Variants in ZBTB7A observed in about 807,000 individuals in gnomAD.
ZBTB7A encodes zinc finger and BTB domain-containing protein 7A.
A neutral mutation model predicts 26.7 loss-of-function variants in ZBTB7A; 7 were observed. That is an observed-to-expected ratio of 0.26 (90% confidence interval 0.15 to 0.49). The LOEUF is 0.49. Ranked by LOEUF, ZBTB7A falls within the 20% of genes least tolerant of loss-of-function variation. The probability of loss-of-function intolerance (pLI) is 0.98; values close to 1 mark genes in which losing one functional copy is unlikely to be tolerated. For synonymous variants in ZBTB7A, 452 were observed against 441.0 expected (o/e 1.02, Z -0.31); for missense variants, 617 against 919.5 (o/e 0.67, Z 4.25).
rs557803881 is a variant in ZBTB7A at position 4,058,937 on chromosome 19, T to C, written c.-15-3690A>G. On this transcript the variant is annotated intron_variant, in intron 1 of 2. Transcript: ENST00000322357. ...CCAGCTGCTCAGCACCCCCGTCTAC[T>C]CTAAGGCCTGTGGTGGGGCGGTGGG... Among the ~76,000 whole-genome samples, 251 of 152,236 alleles carry C rather than the reference T, an allele frequency of 1.6e-3. 1 individual carries two copies. Among genetic ancestry groups the C allele is most frequent in the African/African-American group, 5.8e-3 (241 of 41,540 alleles).
chr19:4,052,930 G>A lies in ZBTB7A; in HGVS notation c.1262+1041C>T, dbSNP rs937154082. Among the ~76,000 whole-genome samples, 10 of 152,126 alleles carry A rather than the reference G, an allele frequency of 6.6e-5. No individual in the cohort carries two copies. The highest frequency in any genetic ancestry group is 9.7e-5 in the African/African-American group (4 of 41,408). Reference sequence around the variant, plus strand: ...CTGCTCCTCCCCTCCTTCAGGTTCCGGCAAGGCCTGTCCCCGGCGCCTAGA... The same window carrying A: ...CTGCTCCTCCCCTCCTTCAGGTTCCAGCAAGGCCTGTCCCCGGCGCCTAGA... On this transcript the variant is annotated intron_variant, in intron 2 of 2. Transcript: ENST00000322357. This position sits in a 1 kb window ranked among gnomAD's most constrained non-coding sequence, Gnocchi z 4.9.
intron 1 of ZBTB7A, among the ~76,000 whole-genome samples, chr19:4,061,371 C>T (rs1238642115): frequency 1.3e-5 from 2 of 152,168 alleles, no homozygotes; most frequent in South Asian, 2.1e-4. Context: ...CGGCAGCCCC[C>T]GCCCCCTCCC....
chr19:4,051,893 A>G (rs1442289973), intron 2 of ZBTB7A, among the ~76,000 whole-genome samples: 1 of 151,600 alleles, frequency 6.6e-6, no homozygotes, highest in Non-Finnish European at 1.5e-5. Context: ...TAGTTTCATC[A>G]CCCCGAGCCC....
Position 4,054,143 on chromosome 19 carries a change from C to T in ZBTB7A, c.1090G>A (p.Val364Ile), listed in dbSNP as rs1180387828. The T allele has an allele frequency of 1.2e-6, 2 of 1,604,356 alleles. No homozygotes were observed. The highest frequency in any genetic ancestry group is 1.7e-6 in the Non-Finnish European group (2 of 1,179,760). Residue 364 changes from valine (V) to isoleucine (I), a missense_variant, in exon 2 of 3, where the codon GTC becomes ATC. This residue lies in a region of ZBTB7A where 331 missense variants were observed against 391.3 expected (regional missense o/e 0.85). Transcript: ENST00000322357. ...ACCTTCTGCGACCAGGCCGGGTAGA[C>T]GTCGCCGTCGTGGGCGCCGCTGAAG... ...KYFSGAHDGD[V>I]YPAWSQKVEK...
At chr19:4,050,382 T>C (rs2040489332) in intron 2 of ZBTB7A, among the ~76,000 whole-genome samples, 1 of 152,198 alleles carries the variant, frequency 6.6e-6, no homozygotes, top group Non-Finnish European at 1.5e-5. Context: ...TTTCTGTTGA[T>C]TTCCTTGTTT....
chr19:4,046,955 G>C lies in ZBTB7A; in HGVS notation c.*797C>G, dbSNP rs1179352899. On this transcript the variant is annotated 3_prime_UTR_variant, in exon 3 of 3. Transcript: ENST00000322357. ...GGGTGGGGGGGCGCCCTGAGGGGTG[G>C]TCCCTGGGGGTCCCGCCGGTTGTAA... 6.6e-6 allele frequency: 1 copy of C among 151,346 alleles called. No individual in the cohort carries two copies. Among genetic ancestry groups the C allele is most frequent in the Non-Finnish European group, 1.5e-5 (1 of 67,770 alleles). 9.4% of individuals were successfully genotyped at this position (151,346 alleles called of 1,614,324 possible).
chr19:4,061,954 AC>A (rs2040642529), intron 1 of ZBTB7A: 1 of 152,048 alleles, frequency 6.6e-6, no homozygotes, highest in African/African-American at 2.4e-5. Context: ...ATCCTTGTCC[AC>A]CCTGCCATCA....
chr19:4,062,993 T>TGCTCACCCCCACCCAAG (rs530273807), intron 1 of ZBTB7A, among the ~76,000 whole-genome samples: 20 of 151,952 alleles, frequency 1.3e-4, no homozygotes, highest in Admixed American at 1.1e-3. Flanking sequence ...GACTGGACCA[T>TGCTCACCCCCACCCAAG]GCTCACCCCC....
rs557211563 is a variant in ZBTB7A, at chr19:4,047,886, C to G, written c.1621G>C (p.Glu541Gln). The change falls in exon 3 of 3, where the codon GAG becomes CAG. Residue 541 changes from glutamate to glutamine, a missense_variant. Around this residue, in one of 5 missense-constraint regions of ZBTB7A, gnomAD observed 136 missense variants for 126.6 expected, o/e 1.07. Transcript: ENST00000322357. ...CTGGCCACGTCCTCGTCCTCGTCCT[C>G]GTCCTTAAAGTGCTTCTCCTGGCCG... Reference protein sequence around the residue: ...RNGQEKHFKDEDEDEDVASPD... With the variant: ...RNGQEKHFKDQDEDEDVASPD... The G allele has an allele frequency of 1.9e-6, 3 of 1,596,318 alleles. No homozygotes were observed.
At chr19:4,065,888 C>T (rs933649872) in intron 1 of ZBTB7A, among the ~76,000 whole-genome samples, 16 of 143,854 alleles carry the variant, frequency 1.1e-4, no homozygotes, top group African/African-American at 3.2e-4. Context: ...CGAGGGGAGC[C>T]CGGCTCCAGG....
chr19:4,057,798 A>AAG (rs2040596612), intron 1 of ZBTB7A, among the ~76,000 whole-genome samples: 1 of 150,892 alleles, frequency 6.6e-6, no homozygotes, highest in South Asian at 2.1e-4. Flanking sequence ...AAAAAAAAAA[A>AAG]CAATAACAAC....
intron 1 of ZBTB7A, among the ~76,000 whole-genome samples, chr19:4,056,238 G>A (rs911468113): frequency 1.5e-4 from 23 of 152,254 alleles, no homozygotes; most frequent in Admixed American, 5.9e-4. Flanking sequence ...AATTTCCCCA[G>A]CTGTGCATGA....
intron 1 of ZBTB7A, chr19:4,055,623 C>A (rs2040569687): frequency 3.9e-6 from 1 of 256,668 alleles, no homozygotes; most frequent in African/African-American, 2.3e-5. Flanking sequence ...GGGATGGAGA[C>A]CATCCTGGCT....
Position 4,056,636 on chromosome 19 carries a change from G to A in ZBTB7A, c.-15-1389C>T, listed in dbSNP as rs548339127. On this transcript the variant is annotated intron_variant, in intron 1 of 2. Coordinates refer to ENST00000322357, the MANE Select transcript of ZBTB7A (RefSeq NM_015898.4). ...TGTAATCCCAGCACTTTGGGAGGCCGAGGCGGGCAGATCACCAGGTCAGGA... is the reference window on the plus strand; with the variant it reads ...TGTAATCCCAGCACTTTGGGAGGCCAAGGCGGGCAGATCACCAGGTCAGGA... 1.8e-4 allele frequency among the ~76,000 whole-genome samples: 27 copies of A among 152,088 alleles called. No homozygotes were observed. The South Asian group carries it at 5.2e-3, about 29-fold the overall frequency.
In ZBTB7A at chr19:4,048,291, C is replaced by A. The variant is rs1270099274; in HGVS notation, c.1263-47G>T. ...GGCACGGTCAGTGGGGCCGGGGACCCCCGATCCCCGCCCAGGGACCCTCAC... is the reference window on the plus strand; with the variant it reads ...GGCACGGTCAGTGGGGCCGGGGACCACCGATCCCCGCCCAGGGACCCTCAC... On this transcript the variant is annotated intron_variant, in intron 2 of 2. Coordinates refer to ENST00000322357, the MANE Select transcript of ZBTB7A (RefSeq NM_015898.4). The surrounding 1 kb of genome is among the most constrained non-coding windows in gnomAD (Gnocchi z 6.7). 10 of 1,514,224 alleles carry A rather than the reference C, an allele frequency of 6.6e-6. No homozygotes were observed. Among genetic ancestry groups the A allele is most frequent in the Middle Eastern group, 3.5e-4 (2 of 5,794 alleles). 93.8% of individuals were successfully genotyped at this position (1,514,224 alleles called of 1,614,324 possible).
chr19:4,063,182 C>T (rs899383688), intron 1 of ZBTB7A, among the ~76,000 whole-genome samples: 22 of 152,130 alleles, frequency 1.4e-4, no homozygotes, highest in African/African-American at 4.1e-4. Flanking sequence ...GTTTCCGCCG[C>T]GGAGGAGAAA....
chr19:4,057,054 G>GAAAAAA (rs142605802), intron 1 of ZBTB7A, among the ~76,000 whole-genome samples: 2 of 128,304 alleles, frequency 1.6e-5, no homozygotes, highest in South Asian at 5.3e-4. Context: ...AAAAGAAAAA[G>GAAAAAA]AAAAAAAAAA....
chr19:4,056,482 T>C (rs977011071), intron 1 of ZBTB7A, among the ~76,000 whole-genome samples: 1 of 152,118 alleles, frequency 6.6e-6, no homozygotes, highest in Non-Finnish European at 1.5e-5. Context: ...TTCTAGCATT[T>C]TGGGGAGGCT....
chr19:4,049,162 GTGTGTGTATA>G (rs1227033284), intron 2 of ZBTB7A, among the ~76,000 whole-genome samples: 84 of 18,414 alleles, frequency 4.6e-3, no homozygotes, highest in African/African-American at 7.8e-3. Context: ...GTGTGTGTGT[GTGTGTGTATA>G]TATATATATA....
Sources: allele counts gnomAD v4.1 joint callset (sites outside exome capture counted in the v4.1 genomes callset), GRCh38; gene constraint gnomAD v4.1.1; regional missense constraint gnomAD v4.1.1; non-coding constraint Gnocchi (gnomAD v3.1); transcripts MANE v1.5; gene names NCBI Gene and HGNC (gene_info 2026-07-23, HGNC 2026-07-21).